The following NT5C2 variants were observed in gnomAD, a reference collection of about 807,000 sequenced individuals.
The protein encoded by NT5C2 is 5'-nucleotidase, cytosolic II, also known as cytosolic purine 5'-nucleotidase.
Under a neutral mutation model 76.1 loss-of-function variants are expected in NT5C2, and 58 were observed. The observed-to-expected ratio is 0.76, with a 90% CI of 0.62 to 0.95. The LOEUF is 0.95. NT5C2 is among the 40% of genes least tolerant of loss of function. The pLI is 0.00. For missense variants in NT5C2, 478 were observed against 690.3 expected, an observed-to-expected ratio of 0.69 and a Z score of 3.45; for synonymous variants, 229 against 237.4, an observed-to-expected ratio of 0.96 and a Z score of 0.32.
chr10:103,170,665 G>A (rs963608075), intron 3 of NT5C2, among the ~76,000 whole-genome samples: 8 of 151,514 alleles, frequency 5.3e-5, no homozygotes, highest in African/African-American at 1.9e-4. Flanking sequence ...TGAGTCCACA[G>A]GCGTAAGCCA....
At chr10:103,175,021 G>T in intron 2 of NT5C2, 39 bp from the exon 3 acceptor site, 1 of 1,165,544 alleles carries the variant, frequency 8.6e-7, no homozygotes, top group Non-Finnish European at 1.3e-6. Flanking sequence ...CTTAATATTG[G>T]CATCTGTATA....
chr10:103,113,606 G>A (rs561178434), intron 4 of NT5C2, among the ~76,000 whole-genome samples: 2 of 152,174 alleles, frequency 1.3e-5, no homozygotes, highest in Non-Finnish European at 2.9e-5. Flanking sequence ...ACTAGAAGCT[G>A]AGAAGAAGAA....
At chr10:103,144,899 C>T (rs1433094095) in intron 3 of NT5C2, among the ~76,000 whole-genome samples, 1 of 152,252 alleles carries the variant, frequency 6.6e-6, no homozygotes, top group East Asian at 1.9e-4. Flanking sequence ...GTGCTCTAAC[C>T]ACAAAAGCAA....
Position 103,139,414 on chromosome 10 carries a change from G to C in NT5C2, c.167C>G (p.Thr56Ser). 6.3e-7 allele frequency: 1 copy of C among 1,578,630 alleles called. No homozygotes were observed. Among genetic ancestry groups the C allele is most frequent in the Non-Finnish European group, 8.6e-7 (1 of 1,158,528 alleles). Residue 56 changes from threonine (T) to serine (S), a missense_variant, in exon 4 of 19, where the codon ACC (threonine) becomes AGC (serine). Coordinates refer to ENST00000404739, the MANE Select transcript of NT5C2 (RefSeq NM_001351169.2). ...IKCFGFDMDY[T>S]LAVYKSPEYE... ...CAGAAATTGCTACTCACCAGCAAGG[G>C]TATAATCCATATCAAAACCAAAACA...
chr10:103,143,000 A>G (rs536912626), intron 3 of NT5C2, among the ~76,000 whole-genome samples: 2 of 151,962 alleles, frequency 1.3e-5, no homozygotes, highest in East Asian at 3.9e-4. Context: ...AAAAAAAAAA[A>G]AAAGAAGAAT....
chr10:103,095,925 G>A lies in NT5C2; in HGVS notation c.813+14C>T, dbSNP rs2068057956. Reference sequence around the variant, plus strand: ...TGTTATTAAAGCAGTGGTCTATTGAGTCACATACGGTACCTTGGGGCCATG... The same window carrying A: ...TGTTATTAAAGCAGTGGTCTATTGAATCACATACGGTACCTTGGGGCCATG... On this transcript the variant is annotated intron_variant, in intron 12 of 18. Coordinates refer to ENST00000404739, the MANE Select transcript of NT5C2 (RefSeq NM_001351169.2). 21 of 1,606,714 alleles carry A rather than the reference G, an allele frequency of 1.3e-5. No individual in the cohort carries two copies. Among genetic ancestry groups the A allele is most frequent in the Non-Finnish European group, 1.6e-5 (19 of 1,173,686 alleles).
intron 3 of NT5C2, chr10:103,140,326 C>T (rs963371920): frequency 6.6e-6 from 1 of 152,186 alleles, no homozygotes; most frequent in Non-Finnish European, 1.5e-5. Context: ...GCTTATTTCA[C>T]TTAGCATAAT....
chr10:103,107,086 G>A (rs2135298262), intron 4 of NT5C2, among the ~76,000 whole-genome samples: 1 of 152,288 alleles, frequency 6.6e-6, no homozygotes, highest in South Asian at 2.1e-4. Context: ...AGAAAACTAG[G>A]TAAGGGAGGT....
intron 5 of NT5C2, 141 bp downstream of exon 5, chr10:103,106,448 C>T (rs1443677778): frequency 4.6e-6 from 3 of 648,716 alleles, no homozygotes; most frequent in Non-Finnish European, 8.2e-6. Context: ...GAATCAACAT[C>T]AACCAACCAA....
intron 8 of NT5C2, chr10:103,100,596 C>G (rs1460269593): frequency 2.2e-6 from 1 of 446,516 alleles, no homozygotes; most frequent in African/African-American, 2.0e-5. Flanking sequence ...AATTTTACTT[C>G]TGATAAGATA....
At chr10:103,138,406 T>C (rs1304637020) in intron 4 of NT5C2, among the ~76,000 whole-genome samples, 11 of 152,174 alleles carry the variant, frequency 7.2e-5, no homozygotes, top group African/African-American at 2.4e-4. Context: ...CGTTAGGTAT[T>C]TGTCCTAATG....
rs1319053355 is a variant in NT5C2 at position 103,152,714 on chromosome 10, TA to T, written c.102-13236del. ...ATGCAGTTATTAACTTATCACTTAT[TA>T]TAGTGGTCACAAAAAGAGAATCAGT... On this transcript the variant is annotated intron_variant, in intron 3 of 18. Coordinates refer to ENST00000404739, the MANE Select transcript of NT5C2 (RefSeq NM_001351169.2). 3.3e-5 allele frequency among the ~76,000 whole-genome samples: 5 copies of T among 152,180 alleles called. No individual in the cohort carries two copies. The East Asian group carries it at 9.6e-4, about 29-fold the overall frequency.
In NT5C2 at chr10:103,153,425, A is replaced by C. The variant is rs188484152; in HGVS notation, c.102-13946T>G. The C allele has an allele frequency of 1.9e-4, 214 of 1,150,944 alleles. 2 individuals are homozygous for C. In the East Asian group the frequency reaches 0.012, roughly 65 times the overall value. The allele number at this position is 1,150,944 out of a possible 1,614,324, so 71.3% of individuals were successfully genotyped here. ...GAACTCAGGCCCTGAGAGGCCCAAC[A>C]AATTTGGGCACAATGCCGAACCCTA... On this transcript the variant is annotated intron_variant, in intron 3 of 18. Transcript: ENST00000404739.
intron 1 of NT5C2, among the ~76,000 whole-genome samples, chr10:103,182,816 A>T (rs2091314031): frequency 6.6e-6 from 1 of 152,182 alleles, no homozygotes; most frequent in East Asian, 1.9e-4. Context: ...CATATTACTC[A>T]TGTTAAACTA....
chr10:103,185,935 C>A (rs1564661827), intron 1 of NT5C2, among the ~76,000 whole-genome samples: 1 of 152,120 alleles, frequency 6.6e-6, no homozygotes, highest in Non-Finnish European at 1.5e-5. Context: ...ATAATGCTAA[C>A]ATAATAACAG....
At chr10:103,140,593 T>C (rs1316149782) in intron 3 of NT5C2, among the ~76,000 whole-genome samples, 2 of 152,196 alleles carry the variant, frequency 1.3e-5, no homozygotes, top group African/African-American at 2.4e-5. Context: ...CAGCTGTATT[T>C]TCTTTAGGAA....
intron 4 of NT5C2, chr10:103,125,371 T>C (rs2076469862): frequency 3.1e-6 from 1 of 327,222 alleles, no homozygotes; most frequent in Non-Finnish European, 5.7e-6. Flanking sequence ...TTTTCGACAT[T>C]GCTGATGCTC....
intron 4 of NT5C2, among the ~76,000 whole-genome samples, chr10:103,137,848 G>C (rs1246411173): frequency 2.0e-5 from 3 of 152,164 alleles, no homozygotes; most frequent in African/African-American, 7.2e-5. Context: ...ATATATCTTA[G>C]AGAAGGAAGG....
intron 2 of NT5C2, among the ~76,000 whole-genome samples, chr10:103,180,549 T>C (rs1276556842): frequency 2.6e-5 from 4 of 152,094 alleles, no homozygotes; most frequent in African/African-American, 9.7e-5. Flanking sequence ...CTGGGCAACA[T>C]GGCAAAATGC....
Sources: allele counts gnomAD v4.1 joint callset (sites outside exome capture counted in the v4.1 genomes callset), GRCh38; gene constraint gnomAD v4.1.1; transcripts MANE v1.5; gene names NCBI Gene and HGNC (gene_info 2026-07-23, HGNC 2026-07-21).